ADCY5: variants seen among roughly 807,000 people sequenced by gnomAD.
ADCY5 encodes adenylate cyclase 5.
ADCY5 carries 30 observed loss-of-function variants against 119.7 expected under a neutral mutation model. That is an observed-to-expected ratio of 0.25 (90% CI 0.19 to 0.34). ADCY5 has a LOEUF of 0.34. Ranked by LOEUF, ADCY5 falls within the 10% of genes least tolerant of loss-of-function variation. The probability of loss-of-function intolerance (pLI) is 1.00; values close to 1 mark genes in which losing one functional copy is unlikely to be tolerated. For synonymous variants in ADCY5, 753 were observed against 762.2 expected, an observed-to-expected ratio of 0.99 and a Z score of 0.20; for missense variants, 1,324 against 1,775.2, an observed-to-expected ratio of 0.75 and a Z score of 4.57.
At chr3:123,359,331 A>AATATATATATAT (rs57105101) in intron 1 of ADCY5, among the ~76,000 whole-genome samples, 1,627 of 109,430 alleles carry the variant, frequency 0.015, 36 homozygotes, top group Admixed American at 0.026. Flanking sequence ...CTTATACTAA[A>AATATATATATAT]ATATATATAT....
chr3:123,357,145 AT>A (rs1403194875), intron 1 of ADCY5, among the ~76,000 whole-genome samples: 1 of 152,050 alleles, frequency 6.6e-6, no homozygotes, highest in Non-Finnish European at 1.5e-5. Flanking sequence ...CTGTATCTTG[AT>A]TGTGTTAGCA....
intron 8 of ADCY5, among the ~76,000 whole-genome samples, chr3:123,322,982 T>C (rs903888329): frequency 1.3e-5 from 2 of 152,214 alleles, no homozygotes; most frequent in East Asian, 1.9e-4. Flanking sequence ...TCGCCTTCCA[T>C]GGATCTCTCT....
chr3:123,411,522 A>G (rs1398883113), intron 1 of ADCY5, among the ~76,000 whole-genome samples: 2 of 152,210 alleles, frequency 1.3e-5, no homozygotes, highest in Non-Finnish European at 2.9e-5. Flanking sequence ...CTGAGGGGAC[A>G]AAGGACAAAG....
In ADCY5 at chr3:123,314,236, T is replaced by C. The variant is rs759421924; in HGVS notation, c.2441A>G (p.Lys814Arg). 6 of 1,611,478 alleles carry C rather than the reference T, an allele frequency of 3.7e-6. No individual in the cohort carries two copies. The African/African-American group carries it at 8.0e-5, about 22-fold the overall frequency. Residue 814 changes from lysine to arginine, a missense_variant and splice_region_variant, in exon 12 of 21, where the codon AAG becomes AGG. Coordinates refer to ENST00000462833, the MANE Select transcript of ADCY5 (RefSeq NM_183357.3). ...AACCCAGCTGTCAGCTACACTCACCTTTACGCAGGAGTAGATCACAGACAC... is the reference window on the plus strand; with the variant it reads ...AACCCAGCTGTCAGCTACACTCACCCTTACGCAGGAGTAGATCACAGACAC... Reference protein sequence around the residue: ...VFVSVIYSCVKLFPSPLQTLS... With the variant: ...VFVSVIYSCVRLFPSPLQTLS...
chr3:123,298,766 TC>T (rs1939663513), intron 15 of ADCY5, among the ~76,000 whole-genome samples: 1 of 150,172 alleles, frequency 6.7e-6, no homozygotes, highest in Non-Finnish European at 1.5e-5. Flanking sequence ...GATGGATGAA[TC>T]CCTTCCTCTC....
At chr3:123,325,636 C>G (rs1156911060) in intron 7 of ADCY5, among the ~76,000 whole-genome samples, 174 bp from the exon 8 acceptor site, 1 of 152,216 alleles carries the variant, frequency 6.6e-6, no homozygotes, top group Non-Finnish European at 1.5e-5. Flanking sequence ...AGGCAAGCAT[C>G]CTGGATCTCT....
chr3:123,317,995 G>A (rs1171934482), intron 11 of ADCY5, 25 bp downstream of exon 11: 2 of 1,597,024 alleles, frequency 1.3e-6, no homozygotes, highest in Non-Finnish European at 1.7e-6. Flanking sequence ...AGAGGAAGGA[G>A]CCCAAGAGGG....
intron 17 of ADCY5, among the ~76,000 whole-genome samples, chr3:123,291,577 T>C (rs570195786): frequency 6.6e-6 from 1 of 152,280 alleles, no homozygotes; most frequent in African/African-American, 2.4e-5. Flanking sequence ...GAGCAGGACT[T>C]TGACAATCAG....
At chr3:123,325,542 G>T in intron 7 of ADCY5, 80 bp from the exon 8 acceptor site, 1 of 1,569,976 alleles carries the variant, frequency 6.4e-7, no homozygotes. Flanking sequence ...CATCGTACCT[G>T]GCCAGGTAAG....
chr3:123,347,758 C>T (rs763895774), intron 3 of ADCY5, 24 bp downstream of exon 3: 1 of 1,613,540 alleles, frequency 6.2e-7, no homozygotes, highest in South Asian at 1.1e-5. Context: ...CCCTTCCATC[C>T]TCCTCCCCCA....
chr3:123,431,080 G>A lies in ADCY5; in HGVS notation c.1134+16332C>T, dbSNP rs184436626. ...CTATATAATTCTGTGCTTCTCATGA[G>A]CTACAGAGGTGAAGAAAAAGTACTA... On this transcript the variant is annotated intron_variant, in intron 1 of 20. Coordinates refer to ENST00000462833, the MANE Select transcript of ADCY5 (RefSeq NM_183357.3). Among the ~76,000 whole-genome samples the A allele has an allele frequency of 1.6e-3, 249 of 152,292 alleles. 1 individual carries two copies. The highest frequency in any genetic ancestry group is 5.8e-3 in the African/African-American group (243 of 41,576).
chr3:123,293,754 A>T (rs1417160731), intron 17 of ADCY5, among the ~76,000 whole-genome samples: 3 of 152,150 alleles, frequency 2.0e-5, no homozygotes, highest in Non-Finnish European at 2.9e-5. Context: ...GATTATTAAA[A>T]ACAGATCTGT....
intron 1 of ADCY5, among the ~76,000 whole-genome samples, chr3:123,373,771 CG>C (rs1482101349): frequency 1.2e-3 from 45 of 38,548 alleles, no homozygotes; most frequent in South Asian, 1.8e-3. Flanking sequence ...CCCCCCCCCC[CG>C]ACCCCCCCGC....
rs766485152 is a variant in ADCY5, at chr3:123,447,721, C to T, written c.825G>A (p.Ala275=). The T allele has an allele frequency of 3.0e-5, 48 of 1,599,540 alleles. No individual in the cohort carries two copies. The highest frequency in any genetic ancestry group is 3.3e-5 in the Non-Finnish European group (39 of 1,171,554). ...PLQLPYLAVL[A]AAVGVILIMA... ...TGATGAGGATCACGCCGACGGCGGCCGCCAGCACGGCCAGGTAGGGCAGCT... is the reference window on the plus strand; with the variant it reads ...TGATGAGGATCACGCCGACGGCGGCTGCCAGCACGGCCAGGTAGGGCAGCT... The change falls in exon 1 of 21, where the codon GCG becomes GCA. Residue 275 remains alanine (A), a synonymous_variant. Transcript: ENST00000462833.
intron 3 of ADCY5, among the ~76,000 whole-genome samples, chr3:123,346,650 T>C (rs112667427): frequency 5.9e-5 from 8 of 134,894 alleles, no homozygotes; most frequent in African/African-American, 2.6e-4. Context: ...TCTGTGTGTA[T>C]GTGTGTGTGT....
At chr3:123,378,648 C>T (rs957005859) in intron 1 of ADCY5, among the ~76,000 whole-genome samples, 18 of 152,228 alleles carry the variant, frequency 1.2e-4, no homozygotes, top group African/African-American at 4.3e-4. Context: ...AGGGAAGCCC[C>T]ACTTCGTTGT....
chr3:123,395,176 T>G (rs927585880), intron 1 of ADCY5, among the ~76,000 whole-genome samples: 77 of 152,296 alleles, frequency 5.1e-4, no homozygotes, highest in Non-Finnish European at 7.3e-5. Context: ...GGAATGTCAG[T>G]CCCTTGTCCC....
intron 12 of ADCY5, among the ~76,000 whole-genome samples, chr3:123,310,625 A>G (rs1205640439): frequency 2.0e-5 from 3 of 152,184 alleles, no homozygotes; most frequent in Non-Finnish European, 4.4e-5. Context: ...TCTCTACGAA[A>G]AGCAGTTCTG....
intron 16 of ADCY5, 83 bp from the exon 17 acceptor site, chr3:123,296,299 G>T: frequency 6.8e-7 from 1 of 1,474,720 alleles, no homozygotes; most frequent in Non-Finnish European, 9.2e-7. Context: ...CCCACTGCTG[G>T]CCCTGTTTTC....
Sources: allele counts gnomAD v4.1 joint callset (sites outside exome capture counted in the v4.1 genomes callset), GRCh38; gene constraint gnomAD v4.1.1; transcripts MANE v1.5; gene names NCBI Gene and HGNC (gene_info 2026-07-23, HGNC 2026-07-21).